Variants in ARHGAP44 observed in about 807,000 individuals in gnomAD.
ARHGAP44 encodes the protein rho GTPase-activating protein 44.
In ARHGAP44, 43 loss-of-function variants were observed where a neutral mutation model predicts 106.8. That is an observed-to-expected ratio of 0.40 (90% CI 0.32 to 0.52). ARHGAP44 has a LOEUF of 0.52. ARHGAP44 is among the 20% of genes least tolerant of loss of function. ARHGAP44 has a pLI of 0.48. For synonymous variants in ARHGAP44, 439 were observed against 410.3 expected, an observed-to-expected ratio of 1.07 and a Z score of -0.85; for missense variants, 866 against 1,050.5, an observed-to-expected ratio of 0.82 and a Z score of 2.43.
At chr17:12,850,292 G>A in intron 1 of ARHGAP44, among the ~76,000 whole-genome samples, 1 of 152,166 alleles carries the variant, frequency 6.6e-6, no homozygotes, top group East Asian at 1.9e-4. Context: ...TCACAAAATG[G>A]TGTATAGCCA....
chr17:12,817,369 T>G (rs74435510), intron 1 of ARHGAP44, among the ~76,000 whole-genome samples: 5,555 of 152,120 alleles, frequency 0.037, 137 homozygotes, highest in East Asian at 0.059. Context: ...ATAAACCTCA[T>G]GTAGCACATA....
chr17:12,931,020 A>G (rs2038382642), intron 7 of ARHGAP44, among the ~76,000 whole-genome samples: 1 of 152,168 alleles, frequency 6.6e-6, no homozygotes, highest in Non-Finnish European at 1.5e-5. Context: ...ATAATCATAC[A>G]TAGTCATAGC....
At chr17:12,812,995 A>G (rs549292112) in intron 1 of ARHGAP44, among the ~76,000 whole-genome samples, 4 of 152,324 alleles carry the variant, frequency 2.6e-5, no homozygotes, top group African/African-American at 7.2e-5. Context: ...CCATGCACAC[A>G]TGCAAGGGCC....
intron 3 of ARHGAP44, among the ~76,000 whole-genome samples, chr17:12,901,809 C>G (rs1279055185): frequency 6.6e-6 from 1 of 152,136 alleles, no homozygotes; most frequent in Non-Finnish European, 1.5e-5. Context: ...TGTAAATCCA[C>G]GCACTTGCTC....
chr17:12,937,683 G>C (rs1280383554), intron 7 of ARHGAP44, among the ~76,000 whole-genome samples: 1 of 152,110 alleles, frequency 6.6e-6, no homozygotes, highest in African/African-American at 2.4e-5. Flanking sequence ...AGCCCCCTGC[G>C]TGCTGGACCA....
At chr17:12,882,724 A>T (rs2036776388) in intron 1 of ARHGAP44, among the ~76,000 whole-genome samples, 1 of 152,106 alleles carries the variant, frequency 6.6e-6, no homozygotes, top group South Asian at 2.1e-4. Context: ...TGTGCATGTG[A>T]TGAATTATAC....
At chr17:12,819,315 A>C (rs2034693541) in intron 1 of ARHGAP44, among the ~76,000 whole-genome samples, 1 of 152,092 alleles carries the variant, frequency 6.6e-6, no homozygotes, top group South Asian at 2.1e-4. Context: ...CAAATATGCC[A>C]TAATTTGTTT....
chr17:12,863,521 C>T (rs184752124), intron 1 of ARHGAP44, among the ~76,000 whole-genome samples: 2 of 152,202 alleles, frequency 1.3e-5, no homozygotes, highest in African/African-American at 4.8e-5. Context: ...TGCCAATTTC[C>T]TCCCATTTTA....
At position 12,949,899 on chromosome 17, in the gene ARHGAP44, G is replaced by A. The variant is rs1466041176; in HGVS notation, c.1055+169G>A. On this transcript the variant is annotated intron_variant, in intron 12 of 20. Transcript: ENST00000379672. The surrounding 1 kb of genome is among the most constrained non-coding windows in gnomAD (Gnocchi z 4.1). ...GGAGGCAGGTCCAGGGATATTGATG[G>A]TAGCATTATCTGAGATAGCAGAAGC... is the stretch of plus-strand genomic sequence containing the variant. Among the ~76,000 whole-genome samples the A allele has an allele frequency of 7.9e-5, 12 of 152,192 alleles. No individual in the cohort carries two copies. The highest frequency in any genetic ancestry group is 1.6e-4 in the Non-Finnish European group (11 of 68,034).
At chr17:12,903,128 A>AGAGAGAGAG (rs2037437192) in intron 3 of ARHGAP44, among the ~76,000 whole-genome samples, 1 of 81,134 alleles carries the variant, frequency 1.2e-5, no homozygotes, top group Non-Finnish European at 2.7e-5. Context: ...GAGAGAGAGG[A>AGAGAGAGAG]GAGAGAGAGA....
chr17:12,842,036 C>G (rs913045314), intron 1 of ARHGAP44, among the ~76,000 whole-genome samples: 2 of 151,880 alleles, frequency 1.3e-5, no homozygotes, highest in Non-Finnish European at 2.9e-5. Flanking sequence ...AGAATACAGA[C>G]AGCAGTGTTA....
intron 16 of ARHGAP44, among the ~76,000 whole-genome samples, chr17:12,967,574 C>T (rs2039425578): frequency 6.6e-6 from 1 of 152,080 alleles, no homozygotes; most frequent in South Asian, 2.1e-4. Flanking sequence ...GACCTTCTCA[C>T]TTCGAGTAAA....
chr17:12,883,587 C>T (rs969094472), intron 1 of ARHGAP44, among the ~76,000 whole-genome samples: 1 of 151,896 alleles, frequency 6.6e-6, no homozygotes, highest in African/African-American at 2.4e-5. Context: ...TTTTAAATTC[C>T]TAACAGTAAT....
chr17:12,885,355 C>G (rs1597996672), intron 1 of ARHGAP44, among the ~76,000 whole-genome samples: 1 of 143,244 alleles, frequency 7.0e-6, no homozygotes, highest in South Asian at 2.2e-4. Context: ...GTGTGTGTAA[C>G]ATAAATGTTC....
chr17:12,979,390 G>A (rs1319067490), intron 18 of ARHGAP44, among the ~76,000 whole-genome samples: 1 of 152,152 alleles, frequency 6.6e-6, no homozygotes, highest in African/African-American at 2.4e-5. Flanking sequence ...CCAGAGGTCA[G>A]AGGCCAGAGC....
chr17:12,954,097 C>G (rs2039067814), intron 13 of ARHGAP44, among the ~76,000 whole-genome samples: 1 of 151,082 alleles, frequency 6.6e-6, no homozygotes, highest in South Asian at 2.1e-4. Context: ...GGGGTTTCAC[C>G]ATGTTAGCCA....
In ARHGAP44 at chr17:12,991,266, A is replaced by G. The variant is rs1397584566; in HGVS notation, c.*1095A>G. 1 of 152,604 alleles carries G rather than the reference A, an allele frequency of 6.6e-6. No individual in the cohort carries two copies. Among genetic ancestry groups the G allele is most frequent in the Non-Finnish European group, 1.5e-5 (1 of 68,006 alleles). 9.5% of individuals were successfully genotyped at this position (152,604 alleles called of 1,614,324 possible). On this transcript the variant is annotated 3_prime_UTR_variant, in exon 21 of 21. Transcript: ENST00000379672. ...GAGAAAAGATTTGGGCCATGCATGCAAAGTCAAAGTTTAAAATTTTATCCT... is the reference window on the plus strand; with the variant it reads ...GAGAAAAGATTTGGGCCATGCATGCGAAGTCAAAGTTTAAAATTTTATCCT...
chr17:12,837,759 T>A (rs1456145137), intron 1 of ARHGAP44, among the ~76,000 whole-genome samples: 1 of 152,000 alleles, frequency 6.6e-6, no homozygotes, highest in African/African-American at 2.4e-5. Flanking sequence ...TTAGAATGAG[T>A]GAACCTGGGT....
chr17:12,839,828 G>C (rs571867682), intron 1 of ARHGAP44, among the ~76,000 whole-genome samples: 1 of 152,202 alleles, frequency 6.6e-6, no homozygotes. Context: ...ATACAGTTAA[G>C]GGATTAACCC....
Sources: allele counts gnomAD v4.1 joint callset (sites outside exome capture counted in the v4.1 genomes callset), GRCh38; gene constraint gnomAD v4.1.1; non-coding constraint Gnocchi (gnomAD v3.1); transcripts MANE v1.5; gene names NCBI Gene and HGNC (gene_info 2026-07-23, HGNC 2026-07-21).